SACS: variants seen among roughly 807,000 people sequenced by gnomAD.
The protein encoded by SACS is sacsin.
SACS carries 197 observed loss-of-function variants against 348.0 expected under a neutral mutation model. The ratio of observed to expected loss-of-function variants is 0.57; its 90% CI spans 0.50 to 0.64. SACS has a LOEUF of 0.64. SACS is among the 30% of genes least tolerant of loss of function. SACS has a pLI of 0.00. For missense variants in SACS, 4,999 were observed against 5,360.8 expected (o/e 0.93, Z 2.11); for synonymous variants, 1,985 against 1,910.6 (o/e 1.04, Z -1.02).
chr13:23,431,190 T>C (rs945256582), intron 1 of SACS, among the ~76,000 whole-genome samples: 5 of 152,264 alleles, frequency 3.3e-5, no homozygotes, highest in African/African-American at 1.2e-4. Context: ...CAAAGAGAGC[T>C]ATCTGAATCA....
intron 2 of SACS, among the ~76,000 whole-genome samples, chr13:23,382,492 A>G (rs1032981568): frequency 2.0e-5 from 3 of 152,236 alleles, no homozygotes; most frequent in Non-Finnish European, 4.4e-5. Flanking sequence ...CATTGGATAT[A>G]TTAAATAGTT....
At chr13:23,386,865 G>A (rs1054081795) in intron 2 of SACS, among the ~76,000 whole-genome samples, 3 of 152,148 alleles carry the variant, frequency 2.0e-5, no homozygotes, top group African/African-American at 7.2e-5. Context: ...GAGGCTGGAG[G>A]AGAGGGAGAG....
rs756117709 is a variant in SACS, at chr13:23,333,504, G to T, written c.10372C>A (p.His3458Asn). The change falls in exon 10 of 10, where the codon CAC (histidine) becomes AAC (asparagine). Residue 3458 changes from histidine (H) to asparagine (N), a missense_variant. By Grantham distance (68) the His-to-Asn change is moderately conservative. Coordinates refer to ENST00000382292, the MANE Select transcript of SACS (RefSeq NM_014363.6). ...ATCACCTCATATAGTTCTTTTAAGT[G>T]TATTTTTTCTTCAAGAAATGCAGAT... ...SSSAFLEEKI[H>N]LKELYEVIGC... 1.2e-6 allele frequency: 2 copies of T among 1,613,278 alleles called. No homozygotes were observed. Among genetic ancestry groups the T allele is most frequent in the Non-Finnish European group, 1.7e-6 (2 of 1,179,474 alleles).
In SACS at chr13:23,337,615, C is replaced by CTCATCAACTTTT; in HGVS notation, c.6249_6260dup (p.Lys2084_Glu2087dup). 6.2e-7 allele frequency: 1 copy of CTCATCAACTTTT among 1,613,846 alleles called. No individual in the cohort carries two copies. Among genetic ancestry groups the CTCATCAACTTTT allele is most frequent in the East Asian group, 2.2e-5 (1 of 44,868 alleles). ...GAGTAACACGAAGAACTCCCGAGAA[C>CTCATCAACTTTT]TCATCAACTTTTTCATTTAGAACAA... is the stretch of plus-strand genomic sequence containing the variant. On this transcript the variant is annotated inframe_insertion, in exon 10 of 10. Coordinates refer to ENST00000382292, the MANE Select transcript of SACS (RefSeq NM_014363.6).
chr13:23,386,836 T>C (rs1160978050), intron 2 of SACS, among the ~76,000 whole-genome samples: 3 of 152,118 alleles, frequency 2.0e-5, no homozygotes, highest in Non-Finnish European at 4.4e-5. Context: ...TTCAATACTG[T>C]TGTGTCTTAG....
At chr13:23,415,382 T>C (rs1873655977) in intron 1 of SACS, among the ~76,000 whole-genome samples, 1 of 152,152 alleles carries the variant, frequency 6.6e-6, no homozygotes, top group Non-Finnish European at 1.5e-5. Flanking sequence ...TAACTCACAA[T>C]TTAGAATTCC....
At chr13:23,406,937 T>G (rs1201404498) in intron 2 of SACS, among the ~76,000 whole-genome samples, 2 of 152,214 alleles carry the variant, frequency 1.3e-5, no homozygotes, top group African/African-American at 2.4e-5. Flanking sequence ...GTTCACTGTC[T>G]TTGAGCTATT....
At chr13:23,404,117 T>C (rs934617189) in intron 2 of SACS, among the ~76,000 whole-genome samples, 1 of 152,224 alleles carries the variant, frequency 6.6e-6, no homozygotes, top group Non-Finnish European at 1.5e-5. Context: ...AGACTGTTGG[T>C]TATGATTTGC....
chr13:23,416,516 G>C (rs1873697189), intron 1 of SACS, among the ~76,000 whole-genome samples: 1 of 152,152 alleles, frequency 6.6e-6, no homozygotes, highest in South Asian at 2.1e-4. Flanking sequence ...CTAGCACTTT[G>C]GGAGGCCACA....
chr13:23,383,928 A>C (rs1872169471), intron 2 of SACS, among the ~76,000 whole-genome samples: 2 of 152,184 alleles, frequency 1.3e-5, no homozygotes, highest in Non-Finnish European at 2.9e-5. Context: ...AGAACCCAGC[A>C]AATGTGTGCA....
Position 23,332,828 on chromosome 13 carries a change from T to A in SACS, c.11048A>T (p.Asn3683Ile), listed in dbSNP as rs138609508. The change falls in exon 10 of 10, where the codon AAT becomes ATT. Residue 3683 changes from asparagine to isoleucine, a missense_variant. Asn to Ile is a moderately radical substitution (Grantham distance 149, BLOSUM62 -3). Coordinates refer to ENST00000382292, the MANE Select transcript of SACS (RefSeq NM_014363.6). ...VNGTLPLIKF[N>I]GAQVNPKFKQ... ...GAATTTTGGATTTACCTGTGCTCCA[T>A]TGAACTTTATAAGAGGAAGTGTTCC... 6.2e-7 allele frequency: 1 copy of A among 1,613,840 alleles called. No homozygotes were observed. The highest frequency in any genetic ancestry group is 8.5e-7 in the Non-Finnish European group (1 of 1,179,938).
chr13:23,402,046 C>A (rs187825510), intron 2 of SACS, among the ~76,000 whole-genome samples: 49 of 152,182 alleles, frequency 3.2e-4, no homozygotes, highest in Admixed American at 8.5e-4. Context: ...GGTGTTGTGG[C>A]AAGTGCCTGT....
intron 1 of SACS, among the ~76,000 whole-genome samples, chr13:23,429,345 A>ATTTCTTT (rs1874331485): frequency 1.9e-5 from 1 of 51,466 alleles, no homozygotes; most frequent in Non-Finnish European, 3.5e-5. Flanking sequence ...TGAGGTAGGG[A>ATTTCTTT]TTTTTTTTTT....
intron 2 of SACS, among the ~76,000 whole-genome samples, chr13:23,397,117 C>T (rs1467257162): frequency 6.6e-6 from 1 of 151,956 alleles, no homozygotes; most frequent in Non-Finnish European, 1.5e-5. Flanking sequence ...ACACAACAGA[C>T]AATTCACAGT....
In SACS at chr13:23,338,916, C is replaced by T. The variant is rs772732865; in HGVS notation, c.4960G>A (p.Ala1654Thr). 1.2e-6 allele frequency: 2 copies of T among 1,613,156 alleles called. No homozygotes were observed. Among genetic ancestry groups the T allele is most frequent in the Admixed American group, 1.7e-5 (1 of 59,902 alleles). ...GTACTACTAACTTCACTCACTTTTG[C>T]TTCCTGTTGAGTTCTAAAGGACAGT... ...FRLSFRTQQE[A>T]KVSEVSSTCY... Residue 1654 changes from alanine to threonine, a missense_variant, in exon 10 of 10, where the codon GCA becomes ACA. Transcript: ENST00000382292.
At chr13:23,382,956 ATTTTTTTT>A (rs67400239) in intron 2 of SACS, among the ~76,000 whole-genome samples, 2 of 93,464 alleles carry the variant, frequency 2.1e-5, no homozygotes, top group African/African-American at 3.7e-5. Context: ...TGCCCAGCTA[ATTTTTTTT>A]TTTTTTTTTT....
Position 23,354,580 on chromosome 13 carries a change from G to A in SACS, c.2032C>T (p.Pro678Ser). The change falls in exon 8 of 10, where the codon CCC becomes TCC. Residue 678 changes from proline (P) to serine (S), a missense_variant. By Grantham distance (74) the Pro-to-Ser change is moderately conservative. Transcript: ENST00000382292. ...LLPLQNGNFV[P>S]FSSSVSDQDV... is the part of the protein sequence containing the mutation. ...TGGTCTGATACAGATGAGGAGAAGGGGACAAAATTGCCATTTTGTAAAGGG... is the reference window on the plus strand; with the variant it reads ...TGGTCTGATACAGATGAGGAGAAGGAGACAAAATTGCCATTTTGTAAAGGG... 1 of 1,614,020 alleles carries A rather than the reference G, an allele frequency of 6.2e-7. No homozygotes were observed. The highest frequency in any genetic ancestry group is 8.5e-7 in the Non-Finnish European group (1 of 1,179,910).
At chr13:23,414,463 T>A (rs1023018276) in intron 1 of SACS, among the ~76,000 whole-genome samples, 2 of 152,184 alleles carry the variant, frequency 1.3e-5, no homozygotes, top group Non-Finnish European at 2.9e-5. Flanking sequence ...TGTAGGAACA[T>A]CAGAAGGCAA....
chr13:23,380,100 C>T (rs76405815), intron 2 of SACS, among the ~76,000 whole-genome samples: 3,180 of 149,332 alleles, frequency 0.021, 120 homozygotes, highest in African/African-American at 0.074. Flanking sequence ...GGTCTCACCC[C>T]ACAGTGGCCC....
Sources: gnomAD v4.1 joint callset for allele counts (sites outside exome capture counted in the v4.1 genomes callset) on GRCh38, gnomAD v4.1.1 for gene constraint, MANE v1.5 for transcripts, NCBI Gene and HGNC (gene_info 2026-07-23, HGNC 2026-07-21) for gene names.